Variants in PCLO observed in about 807,000 individuals in gnomAD.
PCLO encodes the protein protein piccolo.
PCLO carries 82 observed loss-of-function variants against 427.5 expected under a neutral mutation model. The observed-to-expected ratio is 0.19, with a 90% CI of 0.16 to 0.23. PCLO has a LOEUF of 0.23. Among genes scored for constraint, PCLO ranks in the 10% least tolerant of loss-of-function variants. The pLI is 1.00. For synonymous variants in PCLO, 2,357 were observed against 2,155.4 expected, an observed-to-expected ratio of 1.09 and a Z score of -2.59; for missense variants, 6,239 against 6,115.9, an observed-to-expected ratio of 1.02 and a Z score of -0.67.
chr7:83,140,527 T>C lies in PCLO; in HGVS notation c.1894-4871A>G, dbSNP rs6966830. On this transcript the variant is annotated intron_variant, in intron 2 of 24. Transcript: ENST00000333891. ...GTAGTCTTTCTATTAATCTCCAGTG[T>C]ATATATGACACTTTAAGCATCAGTT... 5.4e-3 allele frequency among the ~76,000 whole-genome samples: 819 copies of C among 152,274 alleles called. 9 individuals carry two copies. Among genetic ancestry groups the C allele is most frequent in the African/African-American group, 0.019 (787 of 41,556 alleles).
chr7:82,789,566 C>T (rs574722300), intron 22 of PCLO, among the ~76,000 whole-genome samples: 5 of 152,132 alleles, frequency 3.3e-5, no homozygotes, highest in Admixed American at 6.5e-5. Context: ...GTTAACTGGG[C>T]GTGGTGGCAG....
chr7:83,114,360 C>CA (rs148149797), intron 3 of PCLO, among the ~76,000 whole-genome samples: 2,211 of 151,982 alleles, frequency 0.015, 59 homozygotes, highest in African/African-American at 0.051. Context: ...GGATAAATCT[C>CA]AAAAAATGAA....
chr7:83,072,823 T>C (rs1033450214), intron 3 of PCLO, among the ~76,000 whole-genome samples: 4 of 152,054 alleles, frequency 2.6e-5, no homozygotes, highest in Admixed American at 1.3e-4. Context: ...CTTATCTATG[T>C]AGCCATTCTC....
At position 82,914,911 on chromosome 7, in the gene PCLO, C is replaced by A; in HGVS notation, c.13075G>T (p.Glu4359Ter). The change falls in exon 7 of 25, where the codon GAA becomes TAA. Residue 4359 changes from glutamate to a stop codon, truncating the protein, a stop_gained. Coordinates refer to ENST00000333891, the MANE Select transcript of PCLO (RefSeq NM_033026.6). LOFTEE classifies it high-confidence loss of function. ...GRIPIVAQNS[E>*]EESPLSPVGQ... The stretch of plus-strand genomic sequence containing the variant: ...ACAGGACTGAGTGGGCTTTCTTCTT[C>A]AGAATTCTGGGCCACAATTGGTATT... 6.2e-7 allele frequency: 1 copy of A among 1,613,632 alleles called. No homozygotes were observed. Among genetic ancestry groups the A allele is most frequent in the East Asian group, 2.2e-5 (1 of 44,812 alleles).
chr7:83,043,912 C>CTTTTCTT (rs1789033893), intron 3 of PCLO, among the ~76,000 whole-genome samples: 35 of 94,882 alleles, frequency 3.7e-4, no homozygotes, highest in Non-Finnish European at 5.8e-4. Context: ...CTATTATTTT[C>CTTTTCTT]TTTTTTTTTT....
intron 3 of PCLO, among the ~76,000 whole-genome samples, chr7:82,982,166 T>C (rs1012347878): frequency 2.0e-5 from 3 of 152,126 alleles, no homozygotes; most frequent in Non-Finnish European, 2.9e-5. Context: ...TTGCGTTATG[T>C]TAATAGAGAT....
At chr7:83,029,285 CA>C (rs1330099065) in intron 3 of PCLO, among the ~76,000 whole-genome samples, 2 of 150,738 alleles carry the variant, frequency 1.3e-5, no homozygotes, top group African/African-American at 4.9e-5. Flanking sequence ...ACAACCCCAT[CA>C]AAAAGTGGGC....
At chr7:82,975,308 A>C (rs940836718) in intron 3 of PCLO, among the ~76,000 whole-genome samples, 2 of 152,224 alleles carry the variant, frequency 1.3e-5, no homozygotes, top group Non-Finnish European at 2.9e-5. Flanking sequence ...AGATCATTTA[A>C]AACACACTGC....
chr7:83,101,574 T>G (rs1790740554), intron 3 of PCLO, among the ~76,000 whole-genome samples: 1 of 152,144 alleles, frequency 6.6e-6, no homozygotes, highest in Non-Finnish European at 1.5e-5. Flanking sequence ...TATGGTATAG[T>G]GTAAATTACA....
chr7:82,762,577 GA>G (rs1790453185), intron 22 of PCLO, among the ~76,000 whole-genome samples: 1 of 151,614 alleles, frequency 6.6e-6, no homozygotes, highest in African/African-American at 2.4e-5. Context: ...ACCAATATTA[GA>G]AATATAAAAT....
Position 82,965,819 on chromosome 7 carries a change from T to C in PCLO, c.3969A>G (p.Pro1323=). ...TTKTIKEQPQ[P]PCTAKPDQVE... ...CCTGATCAGGTTTTGCTGTGCATGG[T>C]GGCTGTGGCTGTTCTTTTATTGTTT... Residue 1323 remains proline, a synonymous_variant, in exon 4 of 25, where the codon CCA becomes CCG. Coordinates refer to ENST00000333891, the MANE Select transcript of PCLO (RefSeq NM_033026.6). 1 of 1,613,694 alleles carries C rather than the reference T, an allele frequency of 6.2e-7. No homozygotes were observed.
intron 20 of PCLO, among the ~76,000 whole-genome samples, chr7:82,816,552 G>A (rs916290587): frequency 9.2e-5 from 14 of 152,034 alleles, no homozygotes; most frequent in Admixed American, 2.0e-4. Context: ...TAGGCTTTAT[G>A]GGTATTATTT....
intron 3 of PCLO, among the ~76,000 whole-genome samples, chr7:83,124,377 A>T (rs1054855849): frequency 3.3e-5 from 5 of 151,960 alleles, no homozygotes; most frequent in African/African-American, 9.7e-5. Flanking sequence ...AAAAAGAGAA[A>T]GTAAACATAC....
chr7:82,758,092 G>C lies in PCLO; in HGVS notation c.*483C>G, dbSNP rs1268768141. On this transcript the variant is annotated 3_prime_UTR_variant, in exon 25 of 25. Transcript: ENST00000333891. ...CATACTGTAGGTATATCTTATGTCA[G>C]AATCTGAAAGCAGCAAGTTGTCTGA... 1.3e-5 allele frequency: 2 copies of C among 152,150 alleles called. No homozygotes were observed. Among genetic ancestry groups the C allele is most frequent in the African/African-American group, 4.8e-5 (2 of 41,412 alleles). The allele number at this position is 152,150 out of a possible 1,614,324, so 9.4% of individuals were successfully genotyped here. A position where few individuals can be genotyped will look rare whatever the true frequency, so the allele number is the denominator to read the frequency against.
intron 6 of PCLO, among the ~76,000 whole-genome samples, chr7:82,917,544 A>G (rs1794497225): frequency 6.6e-6 from 1 of 152,074 alleles, no homozygotes; most frequent in Non-Finnish European, 1.5e-5. Flanking sequence ...TTTTCATTTC[A>G]TTTGGTTAAT....
intron 22 of PCLO, among the ~76,000 whole-genome samples, chr7:82,799,953 C>T (rs1294838701): frequency 6.6e-6 from 1 of 152,124 alleles, no homozygotes; most frequent in African/African-American, 2.4e-5. Context: ...AGAGCCATTT[C>T]TAGTTTCCTG....
intron 3 of PCLO, among the ~76,000 whole-genome samples, chr7:83,104,966 A>AGAT (rs1790819435): frequency 6.6e-6 from 1 of 151,920 alleles, no homozygotes; most frequent in African/African-American, 2.4e-5. Context: ...CAGAAATTCA[A>AGAT]GATCAGAGTT....
At chr7:83,146,367 T>C (rs1230911472) in intron 2 of PCLO, among the ~76,000 whole-genome samples, 5 of 152,196 alleles carry the variant, frequency 3.3e-5, no homozygotes, top group Admixed American at 3.3e-4. Context: ...AGTATAAACT[T>C]CTAACAAATT....
chr7:82,818,752 G>C lies in PCLO; in HGVS notation c.14791+3743C>G, dbSNP rs113406708. On this transcript the variant is annotated intron_variant, in intron 20 of 24. Transcript: ENST00000333891. ...TACCCCTCTGACTCTGATTGCTCAC[G>C]CATAAAACAGGGATAAGAATATTGA... Among the ~76,000 whole-genome samples, 283 of 152,216 alleles carry C rather than the reference G, an allele frequency of 1.9e-3. 4 individuals are homozygous for C. Among genetic ancestry groups the C allele is most frequent in the African/African-American group, 6.5e-3 (271 of 41,554 alleles).
Sources: gnomAD v4.1 joint callset for allele counts (sites outside exome capture counted in the v4.1 genomes callset) on GRCh38, gnomAD v4.1.1 for gene constraint, MANE v1.5 for transcripts, NCBI Gene and HGNC (gene_info 2026-07-23, HGNC 2026-07-21) for gene names.